PHACTR2: variants seen among roughly 807,000 people sequenced by gnomAD.
PHACTR2 encodes the protein phosphatase and actin regulator 2.
In PHACTR2, 30 loss-of-function variants were observed where a neutral mutation model predicts 76.0. The ratio of observed to expected loss-of-function variants is 0.39; its 90% confidence interval spans 0.30 to 0.54. The LOEUF is 0.54. Among genes scored for constraint, PHACTR2 ranks in the 20% least tolerant of loss-of-function variants. The pLI, the probability that PHACTR2 is intolerant of heterozygous loss-of-function variation, is 0.61. For synonymous variants in PHACTR2, 292 were observed against 292.5 expected, an observed-to-expected ratio of 1.00 and a Z score of 0.02; for missense variants, 696 against 781.1, an observed-to-expected ratio of 0.89 and a Z score of 1.30.
rs1205918388 is a variant in PHACTR2 at position 143,782,632 on chromosome 6, A to G, written c.1646-587A>G. ...AAATAATTTCCACCCAGAGTACATC[A>G]TAACCTCATTTAGAACATTCTGGTT... On this transcript the variant is annotated intron_variant, in intron 9 of 12. Coordinates refer to ENST00000440869, the MANE Select transcript of PHACTR2 (RefSeq NM_001100164.2). The surrounding 1 kb of genome is among the most constrained non-coding windows in gnomAD (Gnocchi z 4.6). Among the ~76,000 whole-genome samples, 5 of 152,246 alleles carry G rather than the reference A, an allele frequency of 3.3e-5. No individual in the cohort carries two copies. Among genetic ancestry groups the G allele is most frequent in the African/African-American group, 4.8e-5 (2 of 41,460 alleles).
Position 143,780,004 on chromosome 6 carries a change from T to A in PHACTR2, c.1645+2621T>A, listed in dbSNP as rs2128477255. 6.6e-6 allele frequency among the ~76,000 whole-genome samples: 1 copy of A among 150,770 alleles called. No homozygotes were observed. The highest frequency in any genetic ancestry group is 2.1e-4 in the South Asian group (1 of 4,804). On this transcript the variant is annotated intron_variant, in intron 9 of 12. Coordinates refer to ENST00000440869, the MANE Select transcript of PHACTR2 (RefSeq NM_001100164.2). The surrounding 1 kb of genome is among the most constrained non-coding windows in gnomAD (Gnocchi z 4.4). The stretch of plus-strand genomic sequence containing the variant: ...AAAAACTGATAAAATAGAAAGCAAC[T>A]TTTGGTACTTAAAAGTTCAACTTTT...
Position 143,788,847 on chromosome 6 carries a change from G to T in PHACTR2, c.1782G>T (p.Thr594=). 6.2e-7 allele frequency: 1 copy of T among 1,613,782 alleles called. No homozygotes were observed. Among genetic ancestry groups the T allele is most frequent in the Non-Finnish European group, 8.5e-7 (1 of 1,179,750 alleles). The change falls in exon 11 of 13, where the codon ACG becomes ACT. Residue 594 remains threonine (T), a synonymous_variant. Coordinates refer to ENST00000440869, the MANE Select transcript of PHACTR2 (RefSeq NM_001100164.2). ...GATTTAACGAGTATGTAGAAGTCAC[G>T]GATTCTCCTGACTATGACCGCCGAG... The part of the protein sequence containing the change: ...ILRFNEYVEV[T]DSPDYDRRAD...
chr6:143,702,317 C>T (rs540481758), intron 1 of PHACTR2, among the ~76,000 whole-genome samples: 6 of 152,062 alleles, frequency 3.9e-5, no homozygotes, highest in East Asian at 1.9e-4. Context: ...CCATGTTGGC[C>T]GGGATGGTCT....
In PHACTR2 at chr6:143,807,361, GT is replaced by G. The variant is rs1375175012; in HGVS notation, c.1922+232del. On this transcript the variant is annotated intron_variant, in intron 12 of 12. Transcript: ENST00000440869. The surrounding 1 kb of genome is among the most constrained non-coding windows in gnomAD (Gnocchi z 5.5). ...TAAGAACCTAATAGTCAATGTGACA[GT>G]TTTAAAGATATGACTAGATAAGATT... Among the ~76,000 whole-genome samples the G allele has an allele frequency of 2.0e-5, 3 of 152,220 alleles. No individual in the cohort carries two copies. The highest frequency in any genetic ancestry group is 2.0e-4 in the Admixed American group (3 of 15,276).
intron 1 of PHACTR2, among the ~76,000 whole-genome samples, chr6:143,560,220 A>G (rs1265732673): frequency 6.6e-6 from 1 of 152,242 alleles, no homozygotes; most frequent in African/African-American, 2.4e-5. Flanking sequence ...TCCTTAATTA[A>G]ATAACTCAGT....
chr6:143,814,891 C>A (rs762191052), intron 12 of PHACTR2, among the ~76,000 whole-genome samples: 1 of 152,168 alleles, frequency 6.6e-6, no homozygotes, highest in Non-Finnish European at 1.5e-5. Context: ...CGTGAGCCAC[C>A]GCCGCCGGCC....
In PHACTR2 at chr6:143,697,648, T is replaced by A; in HGVS notation, c.47-14368T>A. 6.6e-6 allele frequency among the ~76,000 whole-genome samples: 1 copy of A among 152,212 alleles called. No homozygotes were observed. The highest frequency in any genetic ancestry group is 1.9e-4 in the East Asian group (1 of 5,202). ...ATTTTCCCAATTTCAAACATTAGTG[T>A]TTGTTATATTATCTTTCAAAATATT... On this transcript the variant is annotated intron_variant, in intron 1 of 12. Transcript: ENST00000440869. The surrounding 1 kb of genome is among the most constrained non-coding windows in gnomAD (Gnocchi z 4.4).
At chr6:143,740,989 C>T (rs1778928147) in intron 2 of PHACTR2, among the ~76,000 whole-genome samples, 2 of 152,236 alleles carry the variant, frequency 1.3e-5, no homozygotes, top group Admixed American at 6.5e-5. Flanking sequence ...TGGCTCACGC[C>T]TGTCATCCCA....
chr6:143,564,171 A>ATG (rs1402664664), intron 1 of PHACTR2, among the ~76,000 whole-genome samples: 536 of 39,038 alleles, frequency 0.014, 19 homozygotes, highest in Non-Finnish European at 0.019. Flanking sequence ...GTGTGCATAT[A>ATG]TGTGTGTGTG....
upstream of PHACTR2, among the ~76,000 whole-genome samples, chr6:143,673,581 A>G (rs1441620006): frequency 6.6e-6 from 1 of 152,142 alleles, no homozygotes; most frequent in Non-Finnish European, 1.5e-5. Flanking sequence ...TAAATTAAAG[A>G]TTATTCATTT....
intron 1 of PHACTR2, among the ~76,000 whole-genome samples, chr6:143,661,640 C>T (rs1251942824): frequency 5.3e-5 from 8 of 151,218 alleles, no homozygotes; most frequent in Non-Finnish European, 8.8e-5. Context: ...CTCACTACAA[C>T]CTCCTATTCC....
Position 143,801,765 on chromosome 6 carries a change from G to A in PHACTR2, c.1846-5292G>A, listed in dbSNP as rs527299961. 8.5e-5 allele frequency among the ~76,000 whole-genome samples: 13 copies of A among 152,278 alleles called. No homozygotes were observed. The South Asian group carries it at 2.5e-3, about 29-fold the overall frequency. On this transcript the variant is annotated intron_variant, in intron 11 of 12. Coordinates refer to ENST00000440869, the MANE Select transcript of PHACTR2 (RefSeq NM_001100164.2). This position sits in a 1 kb window ranked among gnomAD's most constrained non-coding sequence, Gnocchi z 4.6. Reference sequence around the variant, plus strand: ...GCTGGCGAGGAGTTGTGATCCTTTGGAGGAGAAGAGGCATTCTGGTTTTTG... The same window carrying A: ...GCTGGCGAGGAGTTGTGATCCTTTGAAGGAGAAGAGGCATTCTGGTTTTTG...
chr6:143,817,617 CT>C (rs1411311835), intron 12 of PHACTR2, among the ~76,000 whole-genome samples: 1 of 152,128 alleles, frequency 6.6e-6, no homozygotes, highest in African/African-American at 2.4e-5. Flanking sequence ...TTGATCAGAA[CT>C]TGAATGGATA....
At chr6:143,770,028 A>G (rs1414411747) in intron 6 of PHACTR2, among the ~76,000 whole-genome samples, 1 of 152,210 alleles carries the variant, frequency 6.6e-6, no homozygotes, top group East Asian at 1.9e-4. Context: ...AATTGAAAGC[A>G]GGCACTTGAA....
chr6:143,546,379 ATC>A lies in PHACTR2; in HGVS notation c.217+9180_217+9181del, dbSNP rs200411199. Among the ~76,000 whole-genome samples the A allele has an allele frequency of 6.6e-6, 1 of 151,722 alleles. No individual in the cohort carries two copies. The highest frequency in any genetic ancestry group is 1.5e-5 in the Non-Finnish European group (1 of 67,976). ...ACTTAAAAAAAAAAAAAAACATGTT[ATC>A]TCTCTCTAGAACTTTGGACTGTGGC... On this transcript the variant is annotated intron_variant, in intron 1 of 11. Coordinates refer to the PHACTR2 transcript ENST00000367584. The surrounding 1 kb of genome is among the most constrained non-coding windows in gnomAD (Gnocchi z 4.9).
chr6:143,603,041 A>G (rs940937030), intron 1 of PHACTR2, among the ~76,000 whole-genome samples: 7 of 150,538 alleles, frequency 4.6e-5, no homozygotes, highest in African/African-American at 1.7e-4. Context: ...GCTACTCAGG[A>G]GGCTGAGACA....
At chr6:143,569,858 A>G (rs1254181013) in intron 1 of PHACTR2, among the ~76,000 whole-genome samples, 1 of 152,228 alleles carries the variant, frequency 6.6e-6, no homozygotes, top group Non-Finnish European at 1.5e-5. Context: ...AGTCTGAGAA[A>G]TGCTATTCAA....
chr6:143,739,766 G>A lies in PHACTR2; in HGVS notation c.215-9219G>A, dbSNP rs989279649. The stretch of plus-strand genomic sequence containing the variant: ...TTGGACCTTTATTCCTTCGGAATTA[G>A]AACCATAGGTCCCCATGGGCTGATC... On this transcript the variant is annotated intron_variant, in intron 2 of 12. Transcript: ENST00000440869. The surrounding 1 kb of genome is among the most constrained non-coding windows in gnomAD (Gnocchi z 4.3). Among the ~76,000 whole-genome samples the A allele has an allele frequency of 6.6e-6, 1 of 152,190 alleles. No individual in the cohort carries two copies. Among genetic ancestry groups the A allele is most frequent in the Non-Finnish European group, 1.5e-5 (1 of 68,024 alleles).
intron 5 of PHACTR2, among the ~76,000 whole-genome samples, chr6:143,763,730 C>T (rs1000409969): frequency 3.3e-5 from 5 of 152,230 alleles, no homozygotes; most frequent in Middle Eastern, 3.2e-3. Context: ...TGAAGTCTTA[C>T]ATCTCATTGT....
Sources: allele counts gnomAD v4.1 joint callset (sites outside exome capture counted in the v4.1 genomes callset), GRCh38; gene constraint gnomAD v4.1.1; non-coding constraint Gnocchi (gnomAD v3.1); transcripts MANE v1.5; gene names NCBI Gene and HGNC (gene_info 2026-07-23, HGNC 2026-07-21).